The following EFHC2 variants were observed in gnomAD, a reference collection of about 807,000 sequenced individuals.
EFHC2 encodes EF-hand domain-containing family member C2.
In EFHC2, 18 loss-of-function variants were observed where a neutral mutation model predicts 52.7. That is an observed-to-expected ratio of 0.34 (90% CI 0.24 to 0.51). The LOEUF (loss-of-function observed/expected upper bound fraction) is 0.51. Among genes scored for constraint, EFHC2 ranks in the 20% least tolerant of loss-of-function variants. The pLI, the probability that EFHC2 is intolerant of heterozygous loss-of-function variation, is 0.97. For missense variants in EFHC2, 513 were observed against 562.5 expected (o/e 0.91, Z 0.89); for synonymous variants, 203 against 204.1 (o/e 0.99, Z 0.04).
At chrX:44,221,779 A>T (rs933995027) in intron 11 of EFHC2, among the ~76,000 whole-genome samples, 7 of 112,122 alleles carry the variant, frequency 6.2e-5, no homozygotes, top group African/African-American at 2.3e-4. Context: ...ATTCAGAGAT[A>T]TCAAGTTTAA....
chrX:44,274,066 C>T (rs2037637177), intron 2 of EFHC2, among the ~76,000 whole-genome samples: 1 of 112,116 alleles, frequency 8.9e-6, no homozygotes, highest in South Asian at 3.7e-4. Flanking sequence ...TTGATCAACA[C>T]AAGAAGCTTT....
intron 11 of EFHC2, among the ~76,000 whole-genome samples, chrX:44,220,133 T>C (rs1414433771): frequency 8.9e-6 from 1 of 111,998 alleles, no homozygotes; most frequent in Non-Finnish European, 1.9e-5. Flanking sequence ...CTTCAAAGGA[T>C]ATACATTCCT....
intron 3 of EFHC2, among the ~76,000 whole-genome samples, chrX:44,271,821 T>C (rs754940917): frequency 9.0e-6 from 1 of 111,686 alleles, no homozygotes; most frequent in South Asian, 3.8e-4. Flanking sequence ...GTCCCATCCA[T>C]GAACATAAAG....
intron 1 of EFHC2, among the ~76,000 whole-genome samples, chrX:44,334,021 T>A (rs184982521): frequency 3.9e-4 from 44 of 112,217 alleles, no homozygotes; most frequent in Middle Eastern, 4.6e-3. Context: ...GGGTTCTTTA[T>A]GACATTCATC....
intron 1 of EFHC2, among the ~76,000 whole-genome samples, chrX:44,319,002 C>CTTT (rs561439134): frequency 1.1e-5 from 1 of 91,385 alleles, no homozygotes; most frequent in African/African-American, 4.0e-5. Flanking sequence ...AGGCAAAAGA[C>CTTT]TTTTTTTTTT....
At chrX:44,319,928 A>AT (rs1382895897) in intron 1 of EFHC2, among the ~76,000 whole-genome samples, 3 of 110,368 alleles carry the variant, frequency 2.7e-5, no homozygotes, top group African/African-American at 6.6e-5. Flanking sequence ...TATTTTATTT[A>AT]TTTTTTTTAT....
intron 11 of EFHC2, among the ~76,000 whole-genome samples, chrX:44,192,088 G>A (rs1209866267): frequency 9.1e-6 from 1 of 110,117 alleles, no homozygotes; most frequent in African/African-American, 3.3e-5. Context: ...GTGTGTGTGT[G>A]TGTGTGTATA....
intron 2 of EFHC2, among the ~76,000 whole-genome samples, chrX:44,305,955 C>A (rs1039799850): frequency 9.0e-6 from 1 of 111,428 alleles, no homozygotes; most frequent in Non-Finnish European, 1.9e-5. Flanking sequence ...CCGAGCATGC[C>A]CAGTTGAACC....
Position 44,148,591 on chromosome X carries a change from C to A in EFHC2, c.*204G>T. Reference sequence around the variant, plus strand: ...AAATATTCAACATGTTTTAAGATGGCATTTTAAATAGTAACAGTACGTCGG... The same window carrying A: ...AAATATTCAACATGTTTTAAGATGGAATTTTAAATAGTAACAGTACGTCGG... On this transcript the variant is annotated 3_prime_UTR_variant, in exon 15 of 15. Transcript: ENST00000420999. The A allele has an allele frequency of 2.8e-6, 1 of 358,278 alleles. No individual in the cohort carries two copies. The highest frequency in any genetic ancestry group is 4.8e-6 in the Non-Finnish European group (1 of 209,816). 29.5% of individuals were successfully genotyped at this position (358,278 alleles called of 1,213,427 possible).
At chrX:44,331,841 T>A (rs145346117) in intron 1 of EFHC2, among the ~76,000 whole-genome samples, 1,135 of 110,584 alleles carry the variant, frequency 0.01, 15 homozygotes, top group African/African-American at 0.036. Context: ...GGAGGATCGA[T>A]TAATCCAGGG....
intron 2 of EFHC2, among the ~76,000 whole-genome samples, chrX:44,302,712 C>T (rs994682917): frequency 9.0e-6 from 1 of 111,722 alleles, no homozygotes; most frequent in East Asian, 2.8e-4. Context: ...GGGATTAAAA[C>T]GGCAAATGTA....
At chrX:44,237,123 T>C (rs1194680667) in intron 8 of EFHC2, among the ~76,000 whole-genome samples, 1 of 110,111 alleles carries the variant, frequency 9.1e-6, no homozygotes, top group Admixed American at 9.7e-5. Context: ...TATATAAAAG[T>C]CACCTGGGGA....
intron 11 of EFHC2, among the ~76,000 whole-genome samples, chrX:44,193,462 A>G (rs1271780972): frequency 1.8e-5 from 2 of 112,008 alleles, no homozygotes; most frequent in Non-Finnish European, 3.8e-5. Context: ...TTTCTCAGAT[A>G]CTTTTGATTT....
intron 14 of EFHC2, among the ~76,000 whole-genome samples, chrX:44,155,688 T>C (rs1188657247): frequency 8.9e-6 from 1 of 112,466 alleles, no homozygotes; most frequent in African/African-American, 3.2e-5. Context: ...TATACATTTA[T>C]GGAAAAGGCC....
At chrX:44,151,171 C>T (rs963954175) in intron 14 of EFHC2, among the ~76,000 whole-genome samples, 6 of 111,417 alleles carry the variant, frequency 5.4e-5, no homozygotes, top group African/African-American at 2.0e-4. Context: ...GAACTGCTAG[C>T]CTCCAGAACT....
chrX:44,292,055 T>C (rs746378284), intron 2 of EFHC2, among the ~76,000 whole-genome samples: 2 of 111,683 alleles, frequency 1.8e-5, no homozygotes, highest in Non-Finnish European at 3.8e-5. Context: ...TGGAGTTTTA[T>C]AAACTGAATC....
chrX:44,324,657 CTTTTAA>C (rs1022513328), intron 1 of EFHC2, among the ~76,000 whole-genome samples: 2 of 111,704 alleles, frequency 1.8e-5, no homozygotes, highest in African/African-American at 6.5e-5. Flanking sequence ...ATGATGGGGC[CTTTTAA>C]TTTTAAACAT....
At chrX:44,218,402 A>G (rs2037167947) in intron 11 of EFHC2, among the ~76,000 whole-genome samples, 1 of 111,654 alleles carries the variant, frequency 9.0e-6, no homozygotes, top group Non-Finnish European at 1.9e-5. Context: ...GTAATTAAAT[A>G]AGAATTTGAA....
intron 11 of EFHC2, among the ~76,000 whole-genome samples, chrX:44,190,700 G>GT (rs2036913092): frequency 2.5e-5 from 1 of 40,517 alleles, no homozygotes; most frequent in Non-Finnish European, 4.2e-5. Context: ...AATGTTGATG[G>GT]GGAAAAAAAA....
Sources: allele counts gnomAD v4.1 joint callset (sites outside exome capture counted in the v4.1 genomes callset), GRCh38; gene constraint gnomAD v4.1.1; transcripts MANE v1.5; gene names NCBI Gene and HGNC (gene_info 2026-07-23, HGNC 2026-07-21).